Variants in DACH2 observed in about 807,000 individuals in gnomAD.
DACH2 encodes dachshund family transcription factor 2, also known as dachshund homolog 2.
A neutral mutation model predicts 35.8 loss-of-function variants in DACH2; 17 were observed. That is an observed-to-expected ratio of 0.48 (90% confidence interval 0.33 to 0.71). DACH2 has a LOEUF of 0.71. Ranked by LOEUF, DACH2 falls within the 30% of genes least tolerant of loss-of-function variation. The pLI is 0.02. For synonymous variants in DACH2, 195 were observed against 177.3 expected (o/e 1.10, Z -0.79); for missense variants, 469 against 472.7 (o/e 0.99, Z 0.07).
intron 2 of DACH2, among the ~76,000 whole-genome samples, chrX:86,399,799 T>G (rs1352227815): frequency 3.6e-5 from 4 of 111,898 alleles, no homozygotes; most frequent in East Asian, 5.6e-4. Flanking sequence ...CCTTTCTCTC[T>G]GGCTGCCCTT....
intron 3 of DACH2, among the ~76,000 whole-genome samples, chrX:86,570,335 C>T (rs2039349771): frequency 9.0e-6 from 1 of 111,248 alleles, no homozygotes; most frequent in African/African-American, 3.3e-5. Context: ...ATGGAATCAA[C>T]CCAAATACCC....
At chrX:86,714,442 TA>T (rs1343623778) in intron 5 of DACH2, 105 bp from the exon 6 acceptor site, 6 of 643,057 alleles carry the variant, frequency 9.3e-6, no homozygotes, top group Non-Finnish European at 1.4e-5. Context: ...TAAGATATAA[TA>T]AAAATTGTTT....
At chrX:86,740,503 CT>C (rs2041643506) in intron 7 of DACH2, among the ~76,000 whole-genome samples, 1 of 70,205 alleles carries the variant, frequency 1.4e-5, no homozygotes, top group Non-Finnish European at 2.6e-5. Flanking sequence ...TCCCTCCCCC[CT>C]CCCCCCACCC....
At chrX:86,645,372 T>C (rs769682183) in intron 3 of DACH2, among the ~76,000 whole-genome samples, 3 of 110,058 alleles carry the variant, frequency 2.7e-5, no homozygotes, top group Admixed American at 9.7e-5. Context: ...CAAATCAAAA[T>C]GGGTATCATG....
chrX:86,163,161 TACCCATTA>T (rs1217877090), intron 1 of DACH2, among the ~76,000 whole-genome samples: 2 of 111,324 alleles, frequency 1.8e-5, no homozygotes, highest in Admixed American at 1.9e-4. Context: ...ATTTTTTTTG[TACCCATTA>T]ACCATCCCCA....
At chrX:86,317,212 G>A (rs1308331006) in intron 1 of DACH2, among the ~76,000 whole-genome samples, 2 of 111,095 alleles carry the variant, frequency 1.8e-5, no homozygotes, top group Non-Finnish European at 3.8e-5. Flanking sequence ...TGACAACAGA[G>A]TTTATTTGAT....
chrX:86,420,464 T>A lies in DACH2; in HGVS notation c.527+43602T>A, dbSNP rs2036783202. Among the ~76,000 whole-genome samples the A allele has an allele frequency of 2.7e-5, 3 of 111,692 alleles. No individual in the cohort carries two copies. The South Asian group carries it at 1.1e-3, about 41-fold the overall frequency. On this transcript the variant is annotated intron_variant, in intron 2 of 11. Transcript: ENST00000373125. ...CTTTAGAGAGGGCTTTGTTAAAATA[T>A]TCCATGGAGTTTATGCCTTGTCTAA...
At chrX:86,542,531 T>C (rs1266220650) in intron 3 of DACH2, among the ~76,000 whole-genome samples, 1 of 111,608 alleles carries the variant, frequency 9.0e-6, no homozygotes, top group Non-Finnish European at 1.9e-5. Context: ...AAACCCTCTT[T>C]AGAATCAGAG....
At chrX:86,516,625 T>G (rs2038471970) in intron 3 of DACH2, among the ~76,000 whole-genome samples, 1 of 110,308 alleles carries the variant, frequency 9.1e-6, no homozygotes, top group Non-Finnish European at 1.9e-5. Context: ...TTAGTTTAAT[T>G]AATTTATTTT....
Position 86,429,535 on chromosome X carries a change from A to ATTTCTTTTCTTTTCTTTTCTTTTCT in DACH2, c.527+52687_527+52711dup, listed in dbSNP as rs144228984. 3.4e-3 allele frequency among the ~76,000 whole-genome samples: 350 copies of ATTTCTTTTCTTTTCTTTTCTTTTCT among 101,492 alleles called. 8 individuals are homozygous for ATTTCTTTTCTTTTCTTTTCTTTTCT. Among genetic ancestry groups the ATTTCTTTTCTTTTCTTTTCTTTTCT allele is most frequent in the African/African-American group, 0.011 (308 of 27,177 alleles). 88.1% of individuals were successfully genotyped at this position (101,492 alleles called of 115,157 possible). ...TAATAAAATGACTTTTCTAGAGTGC[A>ATTTCTTTTCTTTTCTTTTCTTTTCT]TTTCTTTTCTTTTCTTTTCTTTTCT... On this transcript the variant is annotated intron_variant, in intron 2 of 11. Coordinates refer to ENST00000373125, the MANE Select transcript of DACH2 (RefSeq NM_053281.3).
intron 3 of DACH2, among the ~76,000 whole-genome samples, chrX:86,607,273 T>G (rs1245373200): frequency 1.8e-5 from 2 of 111,705 alleles, no homozygotes; most frequent in African/African-American, 6.5e-5. Context: ...TTCTTTCTCT[T>G]TTTCCTGTGT....
At chrX:86,256,410 G>A (rs2033520229) in intron 1 of DACH2, among the ~76,000 whole-genome samples, 1 of 111,336 alleles carries the variant, frequency 9.0e-6, no homozygotes, top group South Asian at 3.7e-4. Flanking sequence ...ACAAAATAAT[G>A]CATTGAATTA....
intron 1 of DACH2, among the ~76,000 whole-genome samples, chrX:86,275,191 T>C (rs1220202101): frequency 8.9e-6 from 1 of 112,013 alleles, no homozygotes; most frequent in Non-Finnish European, 1.9e-5. Flanking sequence ...AGCAATATAC[T>C]ACAAGGGGTT....
chrX:86,270,998 C>A (rs1602341128), intron 1 of DACH2, among the ~76,000 whole-genome samples: 1 of 111,611 alleles, frequency 9.0e-6, no homozygotes, highest in Non-Finnish European at 1.9e-5. Context: ...TCTTCGTTGT[C>A]GACTATGTGG....
chrX:86,544,188 A>G (rs1460736937), intron 3 of DACH2, among the ~76,000 whole-genome samples: 1 of 111,374 alleles, frequency 9.0e-6, no homozygotes, highest in Non-Finnish European at 1.9e-5. Context: ...GCATCCCAAG[A>G]CAGGGAGAGA....
At chrX:86,249,828 A>G (rs2033363195) in intron 1 of DACH2, among the ~76,000 whole-genome samples, 2 of 111,996 alleles carry the variant, frequency 1.8e-5, no homozygotes, top group Non-Finnish European at 3.8e-5. Context: ...TGGATTACAT[A>G]AAGAAAATAT....
intron 3 of DACH2, among the ~76,000 whole-genome samples, chrX:86,587,227 T>C (rs2039585326): frequency 9.0e-6 from 1 of 110,744 alleles, no homozygotes; most frequent in African/African-American, 3.3e-5. Flanking sequence ...GTTATTGGTG[T>C]GTTGGGATAG....
At chrX:86,160,661 A>G (rs996089747) in intron 1 of DACH2, 25 of 496,420 alleles carry the variant, frequency 5.0e-5, no homozygotes, top group Non-Finnish European at 8.4e-5. Flanking sequence ...GCCACAACGA[A>G]CATCCTTGAC....
chrX:86,261,082 G>T (rs1050258793), intron 1 of DACH2, among the ~76,000 whole-genome samples: 4 of 112,004 alleles, frequency 3.6e-5, no homozygotes, highest in African/African-American at 1.3e-4. Context: ...TTTTGTCAGT[G>T]ATTCAAATCC....
Sources: gnomAD v4.1 joint callset for allele counts (sites outside exome capture counted in the v4.1 genomes callset) on GRCh38, gnomAD v4.1.1 for gene constraint, MANE v1.5 for transcripts, NCBI Gene and HGNC (gene_info 2026-07-23, HGNC 2026-07-21) for gene names.